The following GLIS3 variants were observed in gnomAD, a reference collection of about 807,000 sequenced individuals.
GLIS3 encodes the protein GLIS family zinc finger 3.
Under a neutral mutation model 78.6 loss-of-function variants are expected in GLIS3, and 53 were observed. That is an observed-to-expected ratio of 0.67 (90% CI 0.54 to 0.85). The LOEUF (loss-of-function observed/expected upper bound fraction) is 0.85, where lower values mean the gene tolerates loss of function less well. Ranked by LOEUF, GLIS3 falls within the 40% of genes least tolerant of loss-of-function variation. GLIS3 has a pLI of 0.00. For missense variants in GLIS3, 1,703 were observed against 1,231.1 expected (o/e 1.38, Z -5.74); for synonymous variants, 684 against 509.9 (o/e 1.34, Z -4.60).
chr9:4,213,131 G>C (rs1020828121), intron 2 of GLIS3, among the ~76,000 whole-genome samples: 1 of 152,140 alleles, frequency 6.6e-6, no homozygotes, highest in East Asian at 1.9e-4. Flanking sequence ...TAAAATACCA[G>C]GGCCTCCTAG....
chr9:3,991,284 GACTTTT>G (rs1390202617), intron 4 of GLIS3, among the ~76,000 whole-genome samples: 4 of 152,148 alleles, frequency 2.6e-5, no homozygotes, highest in South Asian at 2.1e-4. Context: ...TGTCCATTTT[GACTTTT>G]ACTTTTACTT....
At chr9:4,223,988 A>G (rs1302976163) in intron 2 of GLIS3, among the ~76,000 whole-genome samples, 3 of 151,988 alleles carry the variant, frequency 2.0e-5, no homozygotes, top group Non-Finnish European at 2.9e-5. Context: ...CTACACTTCT[A>G]CAAAAAAGAT....
intron 9 of GLIS3, among the ~76,000 whole-genome samples, chr9:3,834,327 G>A (rs1458666388): frequency 6.6e-6 from 1 of 152,100 alleles, no homozygotes; most frequent in Non-Finnish European, 1.5e-5. Flanking sequence ...GATAATAGAA[G>A]GATACCCTCT....
chr9:3,856,277 G>T, intron 8 of GLIS3, 93 bp from the exon 9 acceptor site: 1 of 1,122,182 alleles, frequency 8.9e-7, no homozygotes. Flanking sequence ...CTCCCATTCT[G>T]GCTATACAAG....
chr9:4,292,981 G>A (rs948059378), intron 1 of GLIS3, among the ~76,000 whole-genome samples: 1 of 152,108 alleles, frequency 6.6e-6, no homozygotes, highest in Admixed American at 6.5e-5. Flanking sequence ...ACATGGCCAG[G>A]GTTTGAGACA....
chr9:3,945,438 G>A (rs1816227400), intron 4 of GLIS3, among the ~76,000 whole-genome samples: 1 of 152,098 alleles, frequency 6.6e-6, no homozygotes, highest in South Asian at 2.1e-4. Flanking sequence ...TGAGTTTCTT[G>A]CACAATGAGT....
chr9:4,190,070 A>G (rs1818194824), intron 2 of GLIS3, among the ~76,000 whole-genome samples: 1 of 152,178 alleles, frequency 6.6e-6, no homozygotes, highest in Non-Finnish European at 1.5e-5. Context: ...AGATAAAACC[A>G]CAAAGATGGG....
At chr9:4,426,482 T>A in the GLIS3 span, among the ~76,000 whole-genome samples, 1 of 152,210 alleles carries the variant, frequency 6.6e-6, no homozygotes, top group South Asian at 2.1e-4. Context: ...AATTTCCTAC[T>A]CCTAGGACAC....
At chr9:4,474,616 A>G in the GLIS3 span, among the ~76,000 whole-genome samples, 1 of 152,000 alleles carries the variant, frequency 6.6e-6, no homozygotes, top group Non-Finnish European at 1.5e-5. Flanking sequence ...AAAACATATA[A>G]TATCTTCATA....
At chr9:3,851,498 TCAA>T (rs1819429869) in intron 9 of GLIS3, among the ~76,000 whole-genome samples, 1 of 152,126 alleles carries the variant, frequency 6.6e-6, no homozygotes, top group Non-Finnish European at 1.5e-5. Context: ...GGATGCAGAG[TCAA>T]CAAACCTGAG....
the GLIS3 span, among the ~76,000 whole-genome samples, chr9:4,437,596 T>C: frequency 6.6e-6 from 1 of 152,320 alleles, no homozygotes; most frequent in South Asian, 2.1e-4. Flanking sequence ...ACTATCTTAG[T>C]TGACCTCTGA....
At chr9:4,260,002 C>T (rs982196598) in intron 2 of GLIS3, among the ~76,000 whole-genome samples, 13 of 152,100 alleles carry the variant, frequency 8.5e-5, no homozygotes, top group Admixed American at 8.5e-4. Flanking sequence ...GAAATTTAAG[C>T]AAGGGAGATG....
chr9:4,091,069 T>C (rs985026346), intron 4 of GLIS3, among the ~76,000 whole-genome samples: 1 of 152,174 alleles, frequency 6.6e-6, no homozygotes, highest in East Asian at 1.9e-4. Flanking sequence ...TATAAAATGT[T>C]TGAGGCTGGG....
At chr9:4,467,338 G>T in the GLIS3 span, among the ~76,000 whole-genome samples, 4 of 152,220 alleles carry the variant, frequency 2.6e-5, no homozygotes, top group Non-Finnish European at 1.5e-5. Context: ...GCCTCCTCAA[G>T]TGGGTCCCTG....
At chr9:3,872,758 C>T (rs1296769894) in intron 8 of GLIS3, among the ~76,000 whole-genome samples, 1 of 152,268 alleles carries the variant, frequency 6.6e-6, no homozygotes, top group East Asian at 1.9e-4. Context: ...GTCCCCACAC[C>T]TGTGGAATAC....
intron 2 of GLIS3, among the ~76,000 whole-genome samples, chr9:4,239,792 G>A (rs1399646935): frequency 6.6e-6 from 1 of 152,166 alleles, no homozygotes; most frequent in Non-Finnish European, 1.5e-5. Context: ...ATGTCTAAAT[G>A]CAGTAGATAA....
intron 4 of GLIS3, among the ~76,000 whole-genome samples, chr9:3,954,662 T>C (rs1476229533): frequency 1.3e-5 from 2 of 152,196 alleles, no homozygotes; most frequent in Non-Finnish European, 2.9e-5. Flanking sequence ...TCTGCTTAGC[T>C]CTCTCAGCTT....
chr9:4,392,115 A>G, the GLIS3 span, among the ~76,000 whole-genome samples: 33 of 152,258 alleles, frequency 2.2e-4, no homozygotes, highest in African/African-American at 7.7e-4. Flanking sequence ...GATGAACCTG[A>G]AAGCAATTAG....
At chr9:3,993,629 T>C (rs1820508437) in intron 4 of GLIS3, among the ~76,000 whole-genome samples, 1 of 152,192 alleles carries the variant, frequency 6.6e-6, no homozygotes, top group South Asian at 2.1e-4. Flanking sequence ...TATGCCTACA[T>C]ATGCCATCAT....
Sources: gnomAD v4.1 joint callset for allele counts (sites outside exome capture counted in the v4.1 genomes callset) on GRCh38, gnomAD v4.1.1 for gene constraint, MANE v1.5 for transcripts, NCBI Gene and HGNC (gene_info 2026-07-23, HGNC 2026-07-21) for gene names.